HSF5: variants seen among roughly 807,000 people sequenced by gnomAD.
The protein encoded by HSF5 is heat shock factor protein 5.
HSF5 carries 5 observed loss-of-function variants against 50.8 expected under a neutral mutation model. The ratio of observed to expected loss-of-function variants is 0.10; its 90% CI spans 0.05 to 0.21. HSF5 has a LOEUF of 0.21. Ranked by LOEUF, HSF5 falls within the 10% of genes least tolerant of loss-of-function variation. HSF5 has a pLI of 1.00. For missense variants in HSF5, 564 were observed against 762.6 expected, an observed-to-expected ratio of 0.74 and a Z score of 3.07; for synonymous variants, 307 against 307.4, an observed-to-expected ratio of 1.00 and a Z score of 0.02.
intron 2 of HSF5, among the ~76,000 whole-genome samples, chr17:58,478,300 TAC>T (rs1313998815): frequency 3.4e-5 from 5 of 145,104 alleles, no homozygotes; most frequent in Admixed American, 6.9e-5. Flanking sequence ...TATATATATA[TAC>T]ACACACACAT....
chr17:58,459,356 T>G (rs938135476), intron 4 of HSF5, among the ~76,000 whole-genome samples: 1 of 151,980 alleles, frequency 6.6e-6, no homozygotes, highest in East Asian at 1.9e-4. Flanking sequence ...TTTTAAAAAG[T>G]TTTTTTGTAG....
intron 5 of HSF5, among the ~76,000 whole-genome samples, chr17:58,455,064 T>C (rs1974691060): frequency 1.3e-5 from 2 of 152,148 alleles, no homozygotes; most frequent in Non-Finnish European, 2.9e-5. Flanking sequence ...TCACCCTACC[T>C]GATTTCAAAA....
chr17:58,476,382 G>C, intron 2 of HSF5: 1 of 1,047,166 alleles, frequency 9.5e-7, no homozygotes. Context: ...ATCAGGTAAA[G>C]AAGCTCCCTG....
chr17:58,433,331 G>C (rs1252135001), intron 5 of HSF5, among the ~76,000 whole-genome samples: 1 of 152,132 alleles, frequency 6.6e-6, no homozygotes, highest in Non-Finnish European at 1.5e-5. Flanking sequence ...AAGTAAAATT[G>C]GGGAAAAGGT....
intron 5 of HSF5, among the ~76,000 whole-genome samples, chr17:58,428,324 C>A (rs569735207): frequency 8.5e-5 from 13 of 152,162 alleles, no homozygotes; most frequent in Middle Eastern, 3.4e-3. Context: ...AAATGGCAAA[C>A]GAGCTCATGA....
intron 1 of HSF5, among the ~76,000 whole-genome samples, chr17:58,485,722 G>A (rs1975161059): frequency 6.6e-6 from 1 of 150,576 alleles, no homozygotes; most frequent in Non-Finnish European, 1.5e-5. Context: ...ACTCCAGCCT[G>A]GGGGACAGAG....
At chr17:58,447,971 A>T (rs546491512) in intron 5 of HSF5, among the ~76,000 whole-genome samples, 17 of 152,216 alleles carry the variant, frequency 1.1e-4, no homozygotes, top group Non-Finnish European at 2.1e-4. Flanking sequence ...CAACATGGAG[A>T]AACTGCATCT....
chr17:58,446,867 C>T (rs1417591991), intron 5 of HSF5, among the ~76,000 whole-genome samples: 5 of 152,184 alleles, frequency 3.3e-5, no homozygotes, highest in Admixed American at 6.5e-5. Context: ...TGGCTCATGC[C>T]TGTAATCCCA....
At chr17:58,466,237 G>A (rs1974864815) in intron 3 of HSF5, among the ~76,000 whole-genome samples, 1 of 152,146 alleles carries the variant, frequency 6.6e-6, no homozygotes. Context: ...CAACATAGGG[G>A]CTATGGATGA....
intron 3 of HSF5, among the ~76,000 whole-genome samples, chr17:58,466,326 T>A (rs1598196619): frequency 6.6e-6 from 1 of 152,322 alleles, no homozygotes; most frequent in East Asian, 1.9e-4. Flanking sequence ...TTTATCTGTA[T>A]CATCTTGGAA....
chr17:58,437,651 G>GA, intron 5 of HSF5, among the ~76,000 whole-genome samples: 1 of 152,090 alleles, frequency 6.6e-6, no homozygotes, highest in East Asian at 1.9e-4. Flanking sequence ...TTTCTTTCTA[G>GA]AAAGGGGGTT....
At chr17:58,455,698 AAAG>A (rs1332626882) in intron 5 of HSF5, among the ~76,000 whole-genome samples, 2 of 152,196 alleles carry the variant, frequency 1.3e-5, no homozygotes, top group Non-Finnish European at 2.9e-5. Context: ...ACATTTCTCA[AAAG>A]AAGATACACA....
At chr17:58,422,689 G>A (rs1230724497) in intron 5 of HSF5, among the ~76,000 whole-genome samples, 1 of 139,114 alleles carries the variant, frequency 7.2e-6, no homozygotes, top group Non-Finnish European at 1.5e-5. Flanking sequence ...TTTCACCTCA[G>A]TTGCCTTTTT....
At position 58,463,244 on chromosome 17, in the gene HSF5, A is replaced by C; in HGVS notation, c.1080T>G (p.Ser360Arg). The change falls in exon 4 of 6, where the codon AGT (serine) becomes AGG (arginine). Residue 360 changes from serine to arginine, a missense_variant. By Grantham distance (110) the Ser-to-Arg change is moderately radical (BLOSUM62 -1). Coordinates refer to ENST00000323777, the MANE Select transcript of HSF5 (RefSeq NM_001080439.3). ...VEFLPSNWPC[S>R]TTDENTKTEV... ...CTGTCTTTGTATTTTCATCAGTAGTACTGCAGGGCCAATTGGAAGGCAAAA... is the reference window on the plus strand; with the variant it reads ...CTGTCTTTGTATTTTCATCAGTAGTCCTGCAGGGCCAATTGGAAGGCAAAA... 6.2e-7 allele frequency: 1 copy of C among 1,614,062 alleles called. No homozygotes were observed. The highest frequency in any genetic ancestry group is 2.2e-5 in the East Asian group (1 of 44,888).
chr17:58,468,576 G>C (rs1447140399), intron 2 of HSF5, among the ~76,000 whole-genome samples: 1 of 152,042 alleles, frequency 6.6e-6, no homozygotes, highest in African/African-American at 2.4e-5. Context: ...TTTTGAGTGT[G>C]CTAATCTCAT....
At chr17:58,441,350 T>C (rs1477684742) in intron 5 of HSF5, among the ~76,000 whole-genome samples, 3 of 152,210 alleles carry the variant, frequency 2.0e-5, no homozygotes, top group African/African-American at 7.2e-5. Flanking sequence ...CACCAAACTT[T>C]GCTGGATGCA....
At chr17:58,455,000 A>C (rs977164933) in intron 5 of HSF5, among the ~76,000 whole-genome samples, 13 of 152,220 alleles carry the variant, frequency 8.5e-5, no homozygotes, top group African/African-American at 3.1e-4. Flanking sequence ...TAGCAATACA[A>C]AAGACCCCAG....
chr17:58,452,701 C>A (rs1186248458), intron 5 of HSF5, among the ~76,000 whole-genome samples: 2 of 152,204 alleles, frequency 1.3e-5, no homozygotes, highest in Non-Finnish European at 2.9e-5. Flanking sequence ...GTGAGGCGCA[C>A]CTCTGCCCAG....
At chr17:58,442,008 A>G (rs899706993) in intron 5 of HSF5, among the ~76,000 whole-genome samples, 2 of 152,234 alleles carry the variant, frequency 1.3e-5, no homozygotes, top group African/African-American at 4.8e-5. Flanking sequence ...ATCTAACAGA[A>G]AAGAATTTCA....
Sources: allele counts gnomAD v4.1 joint callset (sites outside exome capture counted in the v4.1 genomes callset), GRCh38; gene constraint gnomAD v4.1.1; transcripts MANE v1.5; gene names NCBI Gene and HGNC (gene_info 2026-07-23, HGNC 2026-07-21).